Variants in PPP4R3B observed in about 807,000 individuals in gnomAD.
PPP4R3B encodes the protein serine/threonine-protein phosphatase 4 regulatory subunit 3B.
A neutral mutation model predicts 95.4 loss-of-function variants in PPP4R3B; 52 were observed. The ratio of observed to expected loss-of-function variants is 0.54; its 90% CI spans 0.44 to 0.69. The LOEUF is 0.69. Ranked by LOEUF, PPP4R3B falls within the 30% of genes least tolerant of loss-of-function variation. PPP4R3B has a pLI of 0.00. For missense variants in PPP4R3B, 1,003 were observed against 1,005.9 expected, an observed-to-expected ratio of 1.00 and a Z score of 0.04; for synonymous variants, 407 against 343.9, an observed-to-expected ratio of 1.18 and a Z score of -2.03.
intron 16 of PPP4R3B, among the ~76,000 whole-genome samples, chr2:55,556,946 C>T (rs1685917977): frequency 6.6e-6 from 1 of 152,118 alleles, no homozygotes; most frequent in African/African-American, 2.4e-5. Flanking sequence ...GCCAGCACTC[C>T]CAGCTACTCG....
chr2:55,600,107 A>G (rs1180845883), intron 3 of PPP4R3B, among the ~76,000 whole-genome samples: 3 of 152,178 alleles, frequency 2.0e-5, no homozygotes, highest in African/African-American at 7.2e-5. Context: ...TGAACCATCA[A>G]ACTTTTTCAG....
chr2:55,556,093 G>A (rs145112585), intron 16 of PPP4R3B, among the ~76,000 whole-genome samples: 1 of 152,146 alleles, frequency 6.6e-6, no homozygotes, highest in African/African-American at 2.4e-5. Flanking sequence ...AAACCAAAGG[G>A]CAATTGGTGA....
Position 55,559,038 on chromosome 2 carries a change from G to C in PPP4R3B, c.2261-70C>G, listed in dbSNP as rs1198924827. On this transcript the variant is annotated intron_variant, in intron 15 of 16. Coordinates refer to ENST00000616407, the MANE Select transcript of PPP4R3B (RefSeq NM_001122964.3). ...TAAGTCAAAACATCTAAAAACAGCA[G>C]TAATTAAAAAACTTATAAAACATTG... 3.1e-6 allele frequency: 4 copies of C among 1,277,826 alleles called. No homozygotes were observed. The Admixed American group carries it at 6.8e-5, about 22-fold the overall frequency. 79.2% of individuals were successfully genotyped at this position (1,277,826 alleles called of 1,614,324 possible).
intron 12 of PPP4R3B, among the ~76,000 whole-genome samples, chr2:55,569,653 T>C (rs1261236682): frequency 2.0e-5 from 3 of 152,188 alleles, no homozygotes; most frequent in African/African-American, 7.2e-5. Context: ...CATGTGGCCT[T>C]ACCTATCAAT....
chr2:55,589,798 G>C (rs923096317), intron 4 of PPP4R3B, among the ~76,000 whole-genome samples: 36 of 150,546 alleles, frequency 2.4e-4, no homozygotes, highest in African/African-American at 8.3e-4. Flanking sequence ...CGCCTGTAGT[G>C]GCAGCTACCT....
chr2:55,599,959 T>C (rs1335143885), intron 3 of PPP4R3B, among the ~76,000 whole-genome samples: 2 of 152,238 alleles, frequency 1.3e-5, no homozygotes, highest in African/African-American at 2.4e-5. Context: ...AACATTTCCA[T>C]ATGTACTTCT....
intron 1 of PPP4R3B, among the ~76,000 whole-genome samples, chr2:55,615,925 G>A (rs1023294125): frequency 2.7e-5 from 3 of 111,972 alleles, no homozygotes; most frequent in East Asian, 2.6e-4. Flanking sequence ...AACTTTTCAA[G>A]TCTTTTTACC....
intron 3 of PPP4R3B, among the ~76,000 whole-genome samples, chr2:55,600,426 CAAAAAAAAAAAAA>C (rs60764774): frequency 0.01 from 224 of 22,196 alleles, 2 homozygotes; most frequent in South Asian, 0.088. Flanking sequence ...AACTCTGTCT[CAAAAAAAAAAAAA>C]AAAAAAAAAA....
Position 55,570,251 on chromosome 2 carries a change from A to G in PPP4R3B, c.1766-1888T>C, listed in dbSNP as rs184772703. 6.1e-4 allele frequency among the ~76,000 whole-genome samples: 93 copies of G among 152,330 alleles called. No individual in the cohort carries two copies. In the South Asian group the frequency reaches 0.012, roughly 20 times the overall value. On this transcript the variant is annotated intron_variant, in intron 12 of 16. Coordinates refer to ENST00000616407, the MANE Select transcript of PPP4R3B (RefSeq NM_001122964.3). ...GGTGACAGAGTGAGACTATGTCTCA[A>G]AAAACAAACAATTTGTGAACCAATC...
At chr2:55,601,384 C>G (rs1249843492) in intron 3 of PPP4R3B, among the ~76,000 whole-genome samples, 1 of 142,096 alleles carries the variant, frequency 7.0e-6, no homozygotes. Context: ...CTGTCTTTTT[C>G]TTTTTTTTTT....
intron 5 of PPP4R3B, 94 bp downstream of exon 5, chr2:55,588,785 A>T: frequency 2.9e-6 from 2 of 681,774 alleles, no homozygotes; most frequent in South Asian, 2.1e-5. Flanking sequence ...TAATCTAATT[A>T]CAAAAAATTG....
At chr2:55,562,873 T>TA (rs1331483144) in intron 15 of PPP4R3B, among the ~76,000 whole-genome samples, 3 of 152,240 alleles carry the variant, frequency 2.0e-5, no homozygotes, top group Admixed American at 6.5e-5. Flanking sequence ...TTACTCATGG[T>TA]AAAAACCTAG....
intron 4 of PPP4R3B, among the ~76,000 whole-genome samples, chr2:55,596,847 C>G (rs1299178131): frequency 6.6e-6 from 1 of 152,134 alleles, no homozygotes; most frequent in Non-Finnish European, 1.5e-5. Context: ...GCCTGTAATC[C>G]CAGCTACTGG....
chr2:55,565,485 T>C (rs1687170729), intron 13 of PPP4R3B, among the ~76,000 whole-genome samples: 1 of 152,044 alleles, frequency 6.6e-6, no homozygotes, highest in Non-Finnish European at 1.5e-5. Context: ...CACGGCTGGT[T>C]AGAGGGCAGA....
In PPP4R3B at chr2:55,552,946, G is replaced by A. The variant is rs921377011; in HGVS notation, c.2455-2940C>T. Among the ~76,000 whole-genome samples, 5 of 152,134 alleles carry A rather than the reference G, an allele frequency of 3.3e-5. No homozygotes were observed. In the East Asian group the frequency reaches 9.6e-4, roughly 29 times the overall value. ...TAAGAAAACCCCAGAAAGAAGCTAG[G>A]CAGTAAAGGCACCAAAATATTGGGG... On this transcript the variant is annotated intron_variant, in intron 16 of 16. Coordinates refer to ENST00000616407, the MANE Select transcript of PPP4R3B (RefSeq NM_001122964.3).
intron 7 of PPP4R3B, among the ~76,000 whole-genome samples, chr2:55,584,638 G>C (rs939701740): frequency 3.9e-5 from 6 of 152,112 alleles, no homozygotes; most frequent in African/African-American, 1.4e-4. Flanking sequence ...TAGAAAAATA[G>C]TCTCCAATCT....
At chr2:55,589,946 AAT>A (rs960460197) in intron 4 of PPP4R3B, among the ~76,000 whole-genome samples, 3 of 135,456 alleles carry the variant, frequency 2.2e-5, no homozygotes, top group African/African-American at 7.6e-5. Flanking sequence ...ATATATAAAA[AAT>A]ATATATAATT....
At chr2:55,612,161 A>G (rs1433898762) in intron 2 of PPP4R3B, among the ~76,000 whole-genome samples, 1 of 152,188 alleles carries the variant, frequency 6.6e-6, no homozygotes, top group Non-Finnish European at 1.5e-5. Context: ...CAGCTACTGG[A>G]GAAGCTGAGA....
chr2:55,558,318 A>C (rs1299052197), intron 16 of PPP4R3B, among the ~76,000 whole-genome samples: 1 of 152,216 alleles, frequency 6.6e-6, no homozygotes, highest in African/African-American at 2.4e-5. Context: ...ACAGGGAGGA[A>C]GGATGCTTAC....
Sources: allele counts gnomAD v4.1 joint callset (sites outside exome capture counted in the v4.1 genomes callset), GRCh38; gene constraint gnomAD v4.1.1; transcripts MANE v1.5; gene names NCBI Gene and HGNC (gene_info 2026-07-23, HGNC 2026-07-21).